UEVLD: variants seen among roughly 807,000 people sequenced by gnomAD.
UEVLD encodes UEV and lactate/malate dehyrogenase domains, also known as ubiquitin-conjugating enzyme E2 variant 3.
UEVLD carries 47 observed loss-of-function variants against 58.6 expected under a neutral mutation model. The ratio of observed to expected loss-of-function variants is 0.80; its 90% CI spans 0.63 to 1.02. The LOEUF (loss-of-function observed/expected upper bound fraction) is 1.02, where lower values mean the gene tolerates loss of function less well. Ranked by LOEUF, UEVLD falls within the 50% of genes least tolerant of loss-of-function variation. The pLI, the probability that UEVLD is intolerant of heterozygous loss-of-function variation, is 0.00. For synonymous variants in UEVLD, 197 were observed against 195.3 expected (o/e 1.01, Z -0.07); for missense variants, 510 against 550.6 (o/e 0.93, Z 0.74).
intron 9 of UEVLD, among the ~76,000 whole-genome samples, chr11:18,541,448 T>C (rs1851049481): frequency 6.6e-6 from 1 of 152,188 alleles, no homozygotes; most frequent in African/African-American, 2.4e-5. Context: ...GGAAGAAGGA[T>C]TGAGTGTCTG....
At chr11:18,570,168 T>C in intron 4 of UEVLD, 46 bp downstream of exon 4, 1 of 1,380,316 alleles carries the variant, frequency 7.2e-7, no homozygotes, top group East Asian at 2.5e-5. Flanking sequence ...GATAGGTATT[T>C]AAAAAAAAAA....
chr11:18,575,501 C>T (rs1213303887), intron 2 of UEVLD, 89 bp from the exon 3 acceptor site: 1 of 1,194,264 alleles, frequency 8.4e-7, no homozygotes, highest in Non-Finnish European at 1.2e-6. Context: ...TGTGTGTGCT[C>T]ATGAATATAC....
chr11:18,585,774 G>A (rs1358101017), intron 1 of UEVLD, among the ~76,000 whole-genome samples: 1 of 151,722 alleles, frequency 6.6e-6, no homozygotes, highest in African/African-American at 2.4e-5. Context: ...AGTAGCTGGG[G>A]TTACAGGTGC....
chr11:18,574,505 C>T (rs1043875989), intron 3 of UEVLD, among the ~76,000 whole-genome samples: 5 of 152,180 alleles, frequency 3.3e-5, no homozygotes, highest in Admixed American at 6.5e-5. Flanking sequence ...AACAAAGATT[C>T]ACTGGTGTTC....
chr11:18,558,478 G>A (rs1453454327), intron 6 of UEVLD, 148 bp from the exon 7 acceptor site: 6 of 447,570 alleles, frequency 1.3e-5, no homozygotes, highest in African/African-American at 2.0e-5. Context: ...AGCAATAAAA[G>A]TGACATGCAA....
At chr11:18,572,563 G>A (rs972218800) in intron 3 of UEVLD, among the ~76,000 whole-genome samples, 1 of 152,134 alleles carries the variant, frequency 6.6e-6, no homozygotes, top group African/African-American at 2.4e-5. Flanking sequence ...CCAGCACTTC[G>A]GGAGGCAGAG....
At position 18,547,034 on chromosome 11, in the gene UEVLD, A is replaced by C. The variant is rs752570355; in HGVS notation, c.732T>G (p.Ala244=). The change falls in exon 8 of 12, where the codon GCT becomes GCG. Residue 244 remains alanine (A), a synonymous_variant. Transcript: ENST00000396197. The stretch of plus-strand genomic sequence containing the variant: ...CTGTGAAGATCACCACCTTGGAATG[A>C]GCAGAGGCAGACAAATCTAGTGAAT... The part of the protein sequence containing the change: ...VEISKDLSAS[A]HSKVVIFTVN... 1.2e-6 allele frequency: 2 copies of C among 1,611,654 alleles called. 1 individual carries two copies. The highest frequency in any genetic ancestry group is 2.2e-5 in the South Asian group (2 of 90,364).
intron 2 of UEVLD, among the ~76,000 whole-genome samples, chr11:18,578,323 T>G (rs1273225156): frequency 1.3e-5 from 2 of 152,166 alleles, no homozygotes; most frequent in South Asian, 4.1e-4. Context: ...CCCAGGAATG[T>G]GGGTGACCTC....
In UEVLD at chr11:18,570,199, C is replaced by G; in HGVS notation, c.357+15G>C. Reference sequence around the variant, plus strand: ...AAAAAAAAAGCTTTCTGTAGAAAATCCAAATTGATCTTACATGGCTCCAGT... The same window carrying G: ...AAAAAAAAAGCTTTCTGTAGAAAATGCAAATTGATCTTACATGGCTCCAGT... On this transcript the variant is annotated intron_variant, in intron 4 of 11. Coordinates refer to ENST00000396197, the MANE Select transcript of UEVLD (RefSeq NM_001040697.4). 6.4e-7 allele frequency: 1 copy of G among 1,562,434 alleles called. No individual in the cohort carries two copies. The highest frequency in any genetic ancestry group is 8.6e-7 in the Non-Finnish European group (1 of 1,162,138).
At chr11:18,549,046 A>C (rs1851416491) in intron 7 of UEVLD, among the ~76,000 whole-genome samples, 1 of 152,220 alleles carries the variant, frequency 6.6e-6, no homozygotes, top group South Asian at 2.1e-4. Flanking sequence ...GTTTAATCTA[A>C]TCAACAATAC....
chr11:18,567,744 G>A (rs955806431), intron 4 of UEVLD, among the ~76,000 whole-genome samples: 2 of 152,140 alleles, frequency 1.3e-5, no homozygotes, highest in Non-Finnish European at 2.9e-5. Flanking sequence ...TAGCTCCAAA[G>A]TTCTATAAAA....
intron 4 of UEVLD, among the ~76,000 whole-genome samples, chr11:18,569,539 C>T (rs576400275): frequency 3.3e-5 from 5 of 152,218 alleles, no homozygotes; most frequent in African/African-American, 1.2e-4. Context: ...CAAACATTTA[C>T]ATTTAAAGAT....
At chr11:18,588,212 T>C (rs987865231) in intron 1 of UEVLD, among the ~76,000 whole-genome samples, 2 of 152,016 alleles carry the variant, frequency 1.3e-5, no homozygotes, top group African/African-American at 4.8e-5. Flanking sequence ...AACAGAAGGG[T>C]TGATTCAATC....
At chr11:18,551,577 C>T (rs1432740968) in intron 7 of UEVLD, among the ~76,000 whole-genome samples, 1 of 152,134 alleles carries the variant, frequency 6.6e-6, no homozygotes, top group South Asian at 2.1e-4. Context: ...ATATATCACA[C>T]AATGTAGTAC....
chr11:18,583,657 C>CTTTTT lies in UEVLD; in HGVS notation c.43-4854_43-4850dup, dbSNP rs35384688. Among the ~76,000 whole-genome samples the CTTTTT allele has an allele frequency of 1.3e-3, 147 of 117,226 alleles. 2 individuals carry two copies. Among genetic ancestry groups the CTTTTT allele is most frequent in the East Asian group, 3.2e-3 (12 of 3,808 alleles). The allele number at this position is 117,226 out of a possible 152,430, so 76.9% of individuals were successfully genotyped here. On this transcript the variant is annotated intron_variant, in intron 1 of 11. Coordinates refer to ENST00000396197, the MANE Select transcript of UEVLD (RefSeq NM_001040697.4). ...GGAATCTTTATTAAGTCCAGTATTA[C>CTTTTT]TTTTTTTTTTTTTTTTTTTTTGAGA...
intron 2 of UEVLD, among the ~76,000 whole-genome samples, chr11:18,578,245 G>A (rs1853038015): frequency 6.6e-6 from 1 of 152,188 alleles, no homozygotes; most frequent in Admixed American, 6.5e-5. Flanking sequence ...AGGGCGATTT[G>A]ACTATAGAAG....
intron 6 of UEVLD, among the ~76,000 whole-genome samples, chr11:18,561,392 G>A (rs1311158653): frequency 6.8e-6 from 1 of 147,994 alleles, no homozygotes; most frequent in African/African-American, 2.5e-5. Context: ...TCAGGAGTGA[G>A]TTCCAGACCA....
chr11:18,573,405 T>C (rs1242652715), intron 3 of UEVLD, among the ~76,000 whole-genome samples: 1 of 152,128 alleles, frequency 6.6e-6, no homozygotes, highest in African/African-American at 2.4e-5. Context: ...CTAATACCCT[T>C]CCCTTCCCTT....
intron 6 of UEVLD, among the ~76,000 whole-genome samples, chr11:18,564,678 GC>G (rs1223826976): frequency 6.6e-6 from 1 of 152,134 alleles, no homozygotes; most frequent in Admixed American, 6.5e-5. Context: ...ATGAGGATAA[GC>G]CCATTGTTCA....
Sources: allele counts gnomAD v4.1 joint callset (sites outside exome capture counted in the v4.1 genomes callset), GRCh38; gene constraint gnomAD v4.1.1; transcripts MANE v1.5; gene names NCBI Gene and HGNC (gene_info 2026-07-23, HGNC 2026-07-21).